The following ABLIM2 variants were observed in gnomAD, a reference collection of about 807,000 sequenced individuals.
ABLIM2 encodes actin-binding LIM protein 2.
ABLIM2 carries 53 observed loss-of-function variants against 97.7 expected under a neutral mutation model. That is an observed-to-expected ratio of 0.54 (90% CI 0.44 to 0.68). The LOEUF (loss-of-function observed/expected upper bound fraction) is 0.68, where lower values mean the gene tolerates loss of function less well. Among genes scored for constraint, ABLIM2 ranks in the 30% least tolerant of loss-of-function variants. The probability of loss-of-function intolerance (pLI) is 0.00; values close to 1 mark genes in which losing one functional copy is unlikely to be tolerated. For synonymous variants in ABLIM2, 361 were observed against 345.8 expected (o/e 1.04, Z -0.49); for missense variants, 835 against 867.2 (o/e 0.96, Z 0.47).
At position 8,087,131 on chromosome 4, in the gene ABLIM2, T is replaced by C. The variant is rs1824202936; in HGVS notation, c.454+1038A>G. Among the ~76,000 whole-genome samples the C allele has an allele frequency of 6.6e-6, 1 of 152,170 alleles. No homozygotes were observed. The highest frequency in any genetic ancestry group is 2.1e-4 in the South Asian group (1 of 4,830). On this transcript the variant is annotated intron_variant, in intron 4 of 20. Coordinates refer to ENST00000447017, the MANE Select transcript of ABLIM2 (RefSeq NM_001130083.2). This position sits in a 1 kb window ranked among gnomAD's most constrained non-coding sequence, Gnocchi z 4.6. ...GAGGAAATTAATTGCGGGCAAGATG[T>C]TGACCCCAGAAATCAGGAGAAACCC... is the stretch of plus-strand genomic sequence containing the variant.
Position 8,127,401 on chromosome 4 carries a change from G to T in ABLIM2, c.11-20764C>A. On this transcript the variant is annotated intron_variant, in intron 1 of 20. Coordinates refer to ENST00000447017, the MANE Select transcript of ABLIM2 (RefSeq NM_001130083.2). The surrounding 1 kb of genome is among the most constrained non-coding windows in gnomAD (Gnocchi z 7.3). ...CCGGCGCTCATGACCTTCACGCAGG[G>T]CACAACTTGACTGGACCCGTCCTTT... is the stretch of plus-strand genomic sequence containing the variant. 3.9e-6 allele frequency: 4 copies of T among 1,034,774 alleles called. No individual in the cohort carries two copies. The highest frequency in any genetic ancestry group is 3.0e-5 in the South Asian group (2 of 66,334). 64.1% of individuals were successfully genotyped at this position (1,034,774 alleles called of 1,614,324 possible).
chr4:8,039,874 G>GTTTTTTTTTTT (rs397947626), intron 9 of ABLIM2, among the ~76,000 whole-genome samples: 3 of 108,628 alleles, frequency 2.8e-5, no homozygotes, highest in Non-Finnish European at 5.6e-5. Flanking sequence ...GCTGATTACT[G>GTTTTTTTTTTT]TTTTTTTTTT....
At chr4:8,146,508 T>C (rs1851815622) in intron 1 of ABLIM2, among the ~76,000 whole-genome samples, 1 of 152,168 alleles carries the variant, frequency 6.6e-6, no homozygotes, top group Admixed American at 6.6e-5. Context: ...CCTTTTGCGG[T>C]TTAACACATT....
At chr4:8,157,262 G>A (rs1443182730) in intron 1 of ABLIM2, among the ~76,000 whole-genome samples, 1 of 152,110 alleles carries the variant, frequency 6.6e-6, no homozygotes. Flanking sequence ...CTGATGACAG[G>A]GGGGACCACA....
At chr4:8,145,779 CACA>C (rs2152952293) in intron 1 of ABLIM2, among the ~76,000 whole-genome samples, 2 of 149,636 alleles carry the variant, frequency 1.3e-5, no homozygotes, top group African/African-American at 4.9e-5. Context: ...CACACACACA[CACA>C]CACACACGAG....
chr4:8,054,288 C>G lies in ABLIM2; in HGVS notation c.764-42G>C. On this transcript the variant is annotated intron_variant, in intron 7 of 20. Coordinates refer to ENST00000447017, the MANE Select transcript of ABLIM2 (RefSeq NM_001130083.2). The surrounding 1 kb of genome is among the most constrained non-coding windows in gnomAD (Gnocchi z 4.9). ...AAGAGGGAAATGATTAGAGTTATTT[C>G]CCATGTTGCAGGGGCCTGTGTGGAA... 6.2e-7 allele frequency: 1 copy of G among 1,608,300 alleles called. No homozygotes were observed. The highest frequency in any genetic ancestry group is 8.5e-7 in the Non-Finnish European group (1 of 1,175,200).
intron 8 of ABLIM2, among the ~76,000 whole-genome samples, chr4:8,052,369 A>G (rs979279256): frequency 5.3e-5 from 8 of 152,214 alleles, no homozygotes; most frequent in Admixed American, 4.6e-4. Context: ...TGCCTTGCTC[A>G]TCCCTGAGAC....
At chr4:8,035,417 G>A (rs1391938327) in intron 10 of ABLIM2, among the ~76,000 whole-genome samples, 2 of 152,190 alleles carry the variant, frequency 1.3e-5, no homozygotes, top group African/African-American at 2.4e-5. Context: ...CAAGGGAAAC[G>A]TGTTTGAAAG....
At position 8,067,951 on chromosome 4, in the gene ABLIM2, C is replaced by A. The variant is rs941492513; in HGVS notation, c.676-6897G>T. Among the ~76,000 whole-genome samples, 1 of 152,208 alleles carries A rather than the reference C, an allele frequency of 6.6e-6. No individual in the cohort carries two copies. Among genetic ancestry groups the A allele is most frequent in the African/African-American group, 2.4e-5 (1 of 41,458 alleles). On this transcript the variant is annotated intron_variant, in intron 6 of 20. Transcript: ENST00000447017. The surrounding 1 kb of genome is among the most constrained non-coding windows in gnomAD (Gnocchi z 5.4). ...CATGGCACAGGTCACCCCCTCCCTA[C>A]CCCATACTTCCTGCTGAGAACCAGT...
chr4:8,121,151 A>G (rs2152869866), intron 1 of ABLIM2, among the ~76,000 whole-genome samples: 1 of 152,304 alleles, frequency 6.6e-6, no homozygotes, highest in Admixed American at 6.5e-5. Context: ...TCCATCTGCA[A>G]AGTGGGACAC....
At chr4:8,066,230 C>T (rs1442392987) in intron 6 of ABLIM2, among the ~76,000 whole-genome samples, 3 of 145,494 alleles carry the variant, frequency 2.1e-5, no homozygotes, top group South Asian at 2.3e-4. Context: ...GGCGTGAACC[C>T]GGGAGGCAGA....
intron 2 of ABLIM2, among the ~76,000 whole-genome samples, chr4:8,105,475 G>C (rs1836860248): frequency 6.6e-6 from 1 of 152,228 alleles, no homozygotes; most frequent in Admixed American, 6.5e-5. Context: ...AATGCAGCCC[G>C]CAGCCATTGG....
chr4:8,094,172 T>A (rs1441591633), intron 3 of ABLIM2, among the ~76,000 whole-genome samples: 1 of 152,218 alleles, frequency 6.6e-6, no homozygotes, highest in Non-Finnish European at 1.5e-5. Context: ...TACCAGTGGT[T>A]TCTTTTTATA....
intron 6 of ABLIM2, among the ~76,000 whole-genome samples, chr4:8,064,060 T>C (rs56945453): frequency 0.016 from 2,388 of 152,310 alleles, 45 homozygotes; most frequent in Middle Eastern, 0.051. Flanking sequence ...TCCTAGCCAA[T>C]AGAGGAAAGA....
chr4:8,124,578 C>T lies in ABLIM2; in HGVS notation c.11-17941G>A, dbSNP rs1251758288. Among the ~76,000 whole-genome samples, 3 of 152,128 alleles carry T rather than the reference C, an allele frequency of 2.0e-5. No individual in the cohort carries two copies. The highest frequency in any genetic ancestry group is 3.9e-4 in the East Asian group (2 of 5,182). On this transcript the variant is annotated intron_variant, in intron 1 of 20. Transcript: ENST00000447017. The surrounding 1 kb of genome is among the most constrained non-coding windows in gnomAD (Gnocchi z 6.1). ...CAGGGAGTGTCCGTGGTGTGGTGGG[C>T]GTCAGTGCCTCTTTCCTTTTGATGG...
In ABLIM2 at chr4:8,127,899, T is replaced by C. The variant is rs1848676606; in HGVS notation, c.11-21262A>G. ...GGAGCATCTGCTGACCCTTCCTCCA[T>C]GTGTAGGGGCAGCAATAGTGAGCTC... On this transcript the variant is annotated intron_variant, in intron 1 of 20. Transcript: ENST00000447017. This position sits in a 1 kb window ranked among gnomAD's most constrained non-coding sequence, Gnocchi z 7.3. 6.6e-6 allele frequency among the ~76,000 whole-genome samples: 1 copy of C among 152,214 alleles called. No homozygotes were observed. The highest frequency in any genetic ancestry group is 1.5e-5 in the Non-Finnish European group (1 of 67,988).
intron 9 of ABLIM2, among the ~76,000 whole-genome samples, chr4:8,042,006 A>C (rs1371668370): frequency 6.6e-6 from 1 of 152,234 alleles, no homozygotes; most frequent in Non-Finnish European, 1.5e-5. Context: ...AACAGCTACC[A>C]CGAATGAGCG....
rs143949943 is a variant in ABLIM2 at position 8,072,780 on chromosome 4, C to A, written c.675+4848G>T. ...GGAGAGTGCCTGCATGTGGTGTTGG[C>A]CTGGCTGAGCATCAGAGCCACCAGC... On this transcript the variant is annotated intron_variant, in intron 6 of 20. Transcript: ENST00000447017. This position sits in a 1 kb window ranked among gnomAD's most constrained non-coding sequence, Gnocchi z 5.8. Among the ~76,000 whole-genome samples, 58 of 152,202 alleles carry A rather than the reference C, an allele frequency of 3.8e-4. 1 individual carries two copies. The highest frequency in any genetic ancestry group is 1.2e-3 in the African/African-American group (48 of 41,524).
Position 8,132,566 on chromosome 4 carries a change from G to C in ABLIM2, c.11-25929C>G, listed in dbSNP as rs1361071977. 6.6e-6 allele frequency among the ~76,000 whole-genome samples: 1 copy of C among 152,098 alleles called. No homozygotes were observed. Among genetic ancestry groups the C allele is most frequent in the Non-Finnish European group, 1.5e-5 (1 of 68,004 alleles). On this transcript the variant is annotated intron_variant, in intron 1 of 20. Transcript: ENST00000447017. This position sits in a 1 kb window ranked among gnomAD's most constrained non-coding sequence, Gnocchi z 8.0. ...GTGGGGATGCTCCAGGCACCTCACG[G>C]TCAGAAAACAGAATGCGGAAGGCCT...
Sources: allele counts gnomAD v4.1 joint callset (sites outside exome capture counted in the v4.1 genomes callset), GRCh38; gene constraint gnomAD v4.1.1; non-coding constraint Gnocchi (gnomAD v3.1); transcripts MANE v1.5; gene names NCBI Gene and HGNC (gene_info 2026-07-23, HGNC 2026-07-21).